FRMD4B: variants seen among roughly 807,000 people sequenced by gnomAD.
The protein encoded by FRMD4B is FERM domain-containing protein 4B.
FRMD4B carries 74 observed loss-of-function variants against 141.5 expected under a neutral mutation model. The ratio of observed to expected loss-of-function variants is 0.52; its 90% CI spans 0.43 to 0.63. FRMD4B has a LOEUF of 0.63. FRMD4B is among the 30% of genes least tolerant of loss of function. The probability of loss-of-function intolerance (pLI) is 0.00; values close to 1 mark genes in which losing one functional copy is unlikely to be tolerated. For missense variants in FRMD4B, 1,366 were observed against 1,253.4 expected, an observed-to-expected ratio of 1.09 and a Z score of -1.36; for synonymous variants, 506 against 467.9, an observed-to-expected ratio of 1.08 and a Z score of -1.05.
At chr3:69,527,413 C>G (rs1700945159) in intron 1 of FRMD4B, among the ~76,000 whole-genome samples, 1 of 152,116 alleles carries the variant, frequency 6.6e-6, no homozygotes, top group Non-Finnish European at 1.5e-5. Context: ...GGAGGAAATA[C>G]CCAGTGTTTC....
chr3:69,197,279 G>A (rs538339504), intron 12 of FRMD4B, among the ~76,000 whole-genome samples: 44 of 152,226 alleles, frequency 2.9e-4, no homozygotes, highest in African/African-American at 8.9e-4. Context: ...GAACTCAAAA[G>A]CTGATAAAGA....
chr3:69,421,621 G>A (rs1421051828), intron 2 of FRMD4B, among the ~76,000 whole-genome samples: 3 of 152,312 alleles, frequency 2.0e-5, no homozygotes, highest in African/African-American at 4.8e-5. Flanking sequence ...CCATAAGCTA[G>A]TCACTAGCCA....
chr3:69,246,788 G>A (rs1206653413), intron 7 of FRMD4B, among the ~76,000 whole-genome samples: 1 of 152,164 alleles, frequency 6.6e-6, no homozygotes, highest in African/African-American at 2.4e-5. Flanking sequence ...CTTCAACCTC[G>A]TGATCACTCA....
intron 2 of FRMD4B, among the ~76,000 whole-genome samples, chr3:69,431,101 A>C (rs528785460): frequency 2.4e-4 from 37 of 152,352 alleles, no homozygotes; most frequent in African/African-American, 8.4e-4. Context: ...AGAGGGAATC[A>C]AAGAAGGCAA....
intron 11 of FRMD4B, among the ~76,000 whole-genome samples, chr3:69,211,023 GA>G (rs541259572): frequency 0.19 from 16,017 of 85,672 alleles, 1,264 homozygotes; most frequent in East Asian, 0.44. Context: ...ATGCCATCTC[GA>G]AAAAAAAAAA....
intron 1 of FRMD4B, among the ~76,000 whole-genome samples, chr3:69,477,491 T>A (rs1361705943): frequency 3.3e-5 from 5 of 151,666 alleles, no homozygotes; most frequent in Non-Finnish European, 7.4e-5. Context: ...GTTCTGTTTA[T>A]ATGCTGGATT....
At chr3:69,179,791 T>C (rs986578390) in intron 21 of FRMD4B, among the ~76,000 whole-genome samples, 4 of 152,196 alleles carry the variant, frequency 2.6e-5, no homozygotes, top group Non-Finnish European at 4.4e-5. Context: ...GCTTAATTTT[T>C]AAACATTCCT....
At chr3:69,528,317 C>A (rs1000865271) in intron 1 of FRMD4B, among the ~76,000 whole-genome samples, 11 of 144,340 alleles carry the variant, frequency 7.6e-5, no homozygotes, top group African/African-American at 2.7e-4. Context: ...CTTTCTCTCT[C>A]TTTCTTTCTC....
intron 5 of FRMD4B, among the ~76,000 whole-genome samples, chr3:69,283,975 C>CA (rs544611686): frequency 0.034 from 4,994 of 147,356 alleles, 294 homozygotes; most frequent in African/African-American, 0.12. Flanking sequence ...CAAAACAAAA[C>CA]AAAAAAAACA....
chr3:69,348,008 C>T (rs1158930558), intron 1 of FRMD4B, among the ~76,000 whole-genome samples: 1 of 152,054 alleles, frequency 6.6e-6, no homozygotes, highest in Non-Finnish European at 1.5e-5. Context: ...GAGATAGAGA[C>T]ACTAAAAACC....
intron 2 of FRMD4B, among the ~76,000 whole-genome samples, chr3:69,396,076 C>T (rs1373766745): frequency 6.6e-6 from 1 of 152,204 alleles, no homozygotes; most frequent in Non-Finnish European, 1.5e-5. Flanking sequence ...CTGTCCACCA[C>T]CTATTCCCCT....
chr3:69,324,112 A>G (rs1230582858), intron 1 of FRMD4B, among the ~76,000 whole-genome samples: 1 of 152,134 alleles, frequency 6.6e-6, no homozygotes, highest in Non-Finnish European at 1.5e-5. Flanking sequence ...AATGGTGTCT[A>G]TGTTTGCTAT....
At chr3:69,350,504 G>T (rs1189781322) in intron 1 of FRMD4B, among the ~76,000 whole-genome samples, 3 of 152,196 alleles carry the variant, frequency 2.0e-5, no homozygotes, top group African/African-American at 7.2e-5. Flanking sequence ...AAATCATGCT[G>T]CTTTAAAGAC....
intron 2 of FRMD4B, among the ~76,000 whole-genome samples, chr3:69,424,165 A>G (rs1705033691): frequency 6.6e-6 from 1 of 152,248 alleles, no homozygotes; most frequent in South Asian, 2.1e-4. Context: ...TGACTGGCTG[A>G]TGAGAATGTT....
intron 1 of FRMD4B, among the ~76,000 whole-genome samples, chr3:69,439,435 T>C (rs1056582759): frequency 6.6e-6 from 1 of 152,198 alleles, no homozygotes; most frequent in African/African-American, 2.4e-5. Flanking sequence ...CTGGTAAATC[T>C]CACCTGGGGT....
chr3:69,320,670 C>T (rs1701966701), intron 1 of FRMD4B, among the ~76,000 whole-genome samples: 1 of 152,178 alleles, frequency 6.6e-6, no homozygotes, highest in South Asian at 2.1e-4. Context: ...TCTGAACCCC[C>T]AGAGACCATC....
chr3:69,432,582 T>C (rs1705198578), intron 2 of FRMD4B: 1 of 140,130 alleles, frequency 7.1e-6, no homozygotes, highest in Non-Finnish European at 1.6e-5. Flanking sequence ...CTCACTTTTC[T>C]ATTCTATCTA....
At chr3:69,341,262 A>C (rs1268152784) in intron 1 of FRMD4B, among the ~76,000 whole-genome samples, 1 of 151,974 alleles carries the variant, frequency 6.6e-6, no homozygotes, top group Non-Finnish European at 1.5e-5. Context: ...CTTTCAACTC[A>C]AATGCAGTGG....
rs754344023 is a variant in FRMD4B, at chr3:69,195,027, C to G, written c.1483G>C (p.Glu495Gln). ...FKLDDNLLPS[E>Q]EDPALQELES... is the part of the protein sequence containing the mutation. ...CTCAGAGGCGTTGTTCATACTTCTT[C>G]ACTCGGCAGCAAGTTGTCATCTAAT... The change falls in exon 16 of 23, where the codon GAA (glutamate) becomes CAA (glutamine). Residue 495 changes from glutamate to glutamine, a missense_variant. Physicochemically the swap from Glu to Gln is conservative, Grantham distance 29. Transcript: ENST00000398540. 7 of 1,613,342 alleles carry G rather than the reference C, an allele frequency of 4.3e-6. No individual in the cohort carries two copies. Among genetic ancestry groups the G allele is most frequent in the Non-Finnish European group, 5.1e-6 (6 of 1,179,568 alleles).
Sources: gnomAD v4.1 joint callset for allele counts (sites outside exome capture counted in the v4.1 genomes callset) on GRCh38, gnomAD v4.1.1 for gene constraint, MANE v1.5 for transcripts, NCBI Gene and HGNC (gene_info 2026-07-23, HGNC 2026-07-21) for gene names.